SNX14: variants seen among roughly 807,000 people sequenced by gnomAD.
SNX14 encodes the protein sorting nexin-14.
A neutral mutation model predicts 133.8 loss-of-function variants in SNX14; 93 were observed. The ratio of observed to expected loss-of-function variants is 0.70; its 90% CI spans 0.59 to 0.83. SNX14 has a LOEUF of 0.83. Ranked by LOEUF, SNX14 falls within the 40% of genes least tolerant of loss-of-function variation. The pLI is 0.00. For missense variants in SNX14, 945 were observed against 1,094.9 expected (o/e 0.86, Z 1.93); for synonymous variants, 368 against 365.6 (o/e 1.01, Z -0.07).
At chr6:85,565,457 A>G in intron 5 of SNX14, 38 bp from the exon 6 acceptor site, 1 of 1,467,156 alleles carries the variant, frequency 6.8e-7, no homozygotes, top group East Asian at 2.3e-5. Flanking sequence ...AGAAGTTCAG[A>G]GAAATACAGT....
At position 85,505,662 on chromosome 6, in the gene SNX14, A is replaced by G. The variant is rs1770373453; in HGVS notation, c.*305T>C. On this transcript the variant is annotated 3_prime_UTR_variant, in exon 29 of 29. Transcript: ENST00000314673. Reference sequence around the variant, plus strand: ...GCATAATTATTTTCAAAGCTATACAATACGAAGTTTATCAGTCTTATCTGT... The same window carrying G: ...GCATAATTATTTTCAAAGCTATACAGTACGAAGTTTATCAGTCTTATCTGT... 3.1e-6 allele frequency: 1 copy of G among 318,858 alleles called. No homozygotes were observed. The highest frequency in any genetic ancestry group is 5.1e-5 in the Admixed American group (1 of 19,702). 19.8% of individuals were successfully genotyped at this position (318,858 alleles called of 1,614,324 possible). A position where few individuals can be genotyped will look rare whatever the true frequency, so the allele number is the denominator to read the frequency against.
At chr6:85,550,264 T>A (rs1037162823) in intron 7 of SNX14, among the ~76,000 whole-genome samples, 1 of 152,176 alleles carries the variant, frequency 6.6e-6, no homozygotes, top group African/African-American at 2.4e-5. Flanking sequence ...CAATGTGCAT[T>A]CTTTATTAGA....
intron 6 of SNX14, among the ~76,000 whole-genome samples, chr6:85,564,988 A>T (rs1261446818): frequency 8.0e-6 from 1 of 125,312 alleles, no homozygotes; most frequent in Non-Finnish European, 1.6e-5. Flanking sequence ...AACTCTGTCT[A>T]AAAAAAAAAA....
Position 85,593,749 on chromosome 6 carries a change from C to T in SNX14, c.-31G>A, listed in dbSNP as rs1474105729. ...TAACGGCGAGGCCGAGACTGCGCTA[C>T]TGGCTGAGGCAGAGGTCAAGGCGAC... On this transcript the variant is annotated 5_prime_UTR_variant, in exon 1 of 29. Coordinates refer to ENST00000314673, the MANE Select transcript of SNX14 (RefSeq NM_153816.6). 5 of 1,612,462 alleles carry T rather than the reference C, an allele frequency of 3.1e-6. No individual in the cohort carries two copies. In the Admixed American group the frequency reaches 6.7e-5, roughly 21 times the overall value.
intron 26 of SNX14, among the ~76,000 whole-genome samples, chr6:85,513,408 A>G (rs1027007142): frequency 1.3e-5 from 2 of 152,206 alleles, no homozygotes; most frequent in Non-Finnish European, 2.9e-5. Context: ...CATTTTGCAT[A>G]GTGCCTGGAA....
intron 24 of SNX14, 132 bp from the exon 25 acceptor site, chr6:85,514,366 A>T: frequency 7.0e-7 from 1 of 1,431,404 alleles, no homozygotes; most frequent in Non-Finnish European, 9.5e-7. Flanking sequence ...AATATGATCA[A>T]GGCCAATCGT....
intron 22 of SNX14, 38 bp downstream of exon 22, chr6:85,517,970 T>C: frequency 6.3e-7 from 1 of 1,585,302 alleles, no homozygotes; most frequent in Non-Finnish European, 8.6e-7. Flanking sequence ...ATGTTTATGA[T>C]TATCATGTTA....
At chr6:85,592,190 C>A (rs1185523976) in intron 1 of SNX14, among the ~76,000 whole-genome samples, 1 of 152,176 alleles carries the variant, frequency 6.6e-6, no homozygotes. Flanking sequence ...CATCACAGAG[C>A]ACACTTCTCA....
At chr6:85,574,994 G>T (rs1247115654) in intron 1 of SNX14, among the ~76,000 whole-genome samples, 1 of 152,172 alleles carries the variant, frequency 6.6e-6, no homozygotes, top group Non-Finnish European at 1.5e-5. Context: ...AACTTAAAGG[G>T]TAAGTAGGAA....
intron 21 of SNX14, among the ~76,000 whole-genome samples, chr6:85,520,186 G>A (rs1478147422): frequency 1.3e-5 from 2 of 151,286 alleles, no homozygotes; most frequent in Non-Finnish European, 2.9e-5. Flanking sequence ...GGGATTATAG[G>A]TGCACGCCAC....
At chr6:85,517,636 A>G in intron 23 of SNX14, 120 bp downstream of exon 23, 1 of 1,176,994 alleles carries the variant, frequency 8.5e-7, no homozygotes, top group Non-Finnish European at 1.1e-6. Flanking sequence ...ATTTCCACAT[A>G]AAGGAAATGT....
At chr6:85,536,690 T>A (rs572187817) in intron 17 of SNX14, 102 bp downstream of exon 17, 1 of 1,120,882 alleles carries the variant, frequency 8.9e-7, no homozygotes, top group African/African-American at 1.6e-5. Context: ...TTAAACAGAA[T>A]ACACAGATTC....
Position 85,526,111 on chromosome 6 carries a change from T to C in SNX14, c.2107+15A>G, listed in dbSNP as rs1778410521. 6.8e-7 allele frequency: 1 copy of C among 1,469,458 alleles called. No individual in the cohort carries two copies. The highest frequency in any genetic ancestry group is 9.3e-7 in the Non-Finnish European group (1 of 1,072,158). 91.0% of individuals were successfully genotyped at this position (1,469,458 alleles called of 1,614,324 possible). A position where few individuals can be genotyped will look rare whatever the true frequency, so the allele number is the denominator to read the frequency against. On this transcript the variant is annotated intron_variant, in intron 21 of 28. Transcript: ENST00000314673. ...TCAGCTTATTATCTTATAATGATTCTTTAAATTGACTTACCAAGATTTACA... is the reference window on the plus strand; with the variant it reads ...TCAGCTTATTATCTTATAATGATTCCTTAAATTGACTTACCAAGATTTACA...
chr6:85,576,708 T>C (rs917780535), intron 1 of SNX14, among the ~76,000 whole-genome samples: 1 of 152,162 alleles, frequency 6.6e-6, no homozygotes, highest in African/African-American at 2.4e-5. Context: ...GTATTCCAAA[T>C]CCTGCTTCCA....
chr6:85,517,988 C>T lies in SNX14; in HGVS notation c.2148+20G>A. On this transcript the variant is annotated intron_variant, in intron 22 of 28. Transcript: ENST00000314673. Reference sequence around the variant, plus strand: ...TTTATGATTATCATGTTATAGAACACACATAAATCAGTTACTCACCTCTTT... The same window carrying T: ...TTTATGATTATCATGTTATAGAACATACATAAATCAGTTACTCACCTCTTT... 6.2e-7 allele frequency: 1 copy of T among 1,600,834 alleles called. No homozygotes were observed. The highest frequency in any genetic ancestry group is 8.5e-7 in the Non-Finnish European group (1 of 1,173,682).
In SNX14 at chr6:85,505,839, C is replaced by G; in HGVS notation, c.*128G>C. 1 of 658,506 alleles carries G rather than the reference C, an allele frequency of 1.5e-6. No individual in the cohort carries two copies. Among genetic ancestry groups the G allele is most frequent in the South Asian group, 1.8e-5 (1 of 55,128 alleles). 40.8% of individuals were successfully genotyped at this position (658,506 alleles called of 1,614,324 possible). On this transcript the variant is annotated 3_prime_UTR_variant, in exon 29 of 29. Coordinates refer to ENST00000314673, the MANE Select transcript of SNX14 (RefSeq NM_153816.6). ...AGTTTGTGTTAGTCTTTATTAAAAA[C>G]AAAAAATAACTAAAATTTCAGACAG...
chr6:85,565,381 C>T lies in SNX14; in HGVS notation c.500G>A (p.Arg167Lys). 6.2e-7 allele frequency: 1 copy of T among 1,604,220 alleles called. No homozygotes were observed. Among genetic ancestry groups the T allele is most frequent in the Non-Finnish European group, 8.5e-7 (1 of 1,174,970 alleles). Residue 167 changes from arginine (R) to lysine (K), a missense_variant, in exon 6 of 29, where the codon AGA becomes AAA. Coordinates refer to ENST00000314673, the MANE Select transcript of SNX14 (RefSeq NM_153816.6). ...AGATGCAAAAAAACGTAATGTTATT[C>T]TCAGTTCATCAACAAAGGATTCATC... Reference protein sequence around the residue: ...TDDESFVDELRITLRFFASVL... With the variant: ...TDDESFVDELKITLRFFASVL...
intron 21 of SNX14, among the ~76,000 whole-genome samples, chr6:85,518,984 A>G (rs1775948641): frequency 6.6e-6 from 1 of 152,186 alleles, no homozygotes; most frequent in Non-Finnish European, 1.5e-5. Flanking sequence ...CTTCAACTGG[A>G]TTCTATAAAC....
At chr6:85,590,341 T>C (rs1802410823) in intron 1 of SNX14, among the ~76,000 whole-genome samples, 1 of 152,240 alleles carries the variant, frequency 6.6e-6, no homozygotes, top group Non-Finnish European at 1.5e-5. Flanking sequence ...AAATGTCCTT[T>C]GTGACATTTT....
Sources: allele counts gnomAD v4.1 joint callset (sites outside exome capture counted in the v4.1 genomes callset), GRCh38; gene constraint gnomAD v4.1.1; transcripts MANE v1.5; gene names NCBI Gene and HGNC (gene_info 2026-07-23, HGNC 2026-07-21).